MRTFB: variants seen among roughly 807,000 people sequenced by gnomAD.
MRTFB encodes the protein myocardin-related transcription factor B.
A neutral mutation model predicts 104.2 loss-of-function variants in MRTFB; 29 were observed. The ratio of observed to expected loss-of-function variants is 0.28; its 90% confidence interval spans 0.21 to 0.38. MRTFB has a LOEUF of 0.38. Ranked by LOEUF, MRTFB falls within the 10% of genes least tolerant of loss-of-function variation. The pLI, the probability that MRTFB is intolerant of heterozygous loss-of-function variation, is 1.00. For synonymous variants in MRTFB, 535 were observed against 519.5 expected (o/e 1.03, Z -0.41); for missense variants, 1,270 against 1,341.6 (o/e 0.95, Z 0.83).
At chr16:14,047,232 C>A in the MRTFB span, among the ~76,000 whole-genome samples, 4 of 152,170 alleles carry the variant, frequency 2.6e-5, no homozygotes, top group African/African-American at 7.2e-5. Flanking sequence ...TCTTTCTCTC[C>A]GGAGCAGAAA....
intron 3 of MRTFB, among the ~76,000 whole-genome samples, chr16:14,189,724 A>C (rs566823920): frequency 1.3e-5 from 2 of 152,336 alleles, no homozygotes; most frequent in African/African-American, 4.8e-5. Flanking sequence ...AAGGAGGGAT[A>C]AATTTGGGTT....
intron 3 of MRTFB, among the ~76,000 whole-genome samples, chr16:14,175,343 C>T (rs1314416015): frequency 6.6e-6 from 1 of 152,226 alleles, no homozygotes; most frequent in Non-Finnish European, 1.5e-5. Context: ...AGTCTCTAGG[C>T]AACTACTCAT....
At chr16:14,179,427 T>C (rs2039693584) in intron 3 of MRTFB, among the ~76,000 whole-genome samples, 1 of 152,216 alleles carries the variant, frequency 6.6e-6, no homozygotes, top group Admixed American at 6.5e-5. Context: ...TATAAAATAC[T>C]CATCCAGGTG....
rs1378364956 is a variant in MRTFB at position 14,265,425 on chromosome 16, T to C, written c.*3981T>C. On this transcript the variant is annotated 3_prime_UTR_variant, in exon 17 of 17. Transcript: ENST00000571589. ...GGAACATAGCTTACAAATGCATCAG[T>C]GTGTATCTGGAGAGCATCCTAACTG... is the stretch of plus-strand genomic sequence containing the variant. The C allele has an allele frequency of 6.6e-6, 1 of 152,158 alleles. No homozygotes were observed. Among genetic ancestry groups the C allele is most frequent in the East Asian group, 1.9e-4 (1 of 5,194 alleles). The allele number at this position is 152,158 out of a possible 1,614,324, so 9.4% of individuals were successfully genotyped here.
At chr16:14,042,343 T>G in the MRTFB span, among the ~76,000 whole-genome samples, 1,246 of 152,316 alleles carry the variant, frequency 8.2e-3, 16 homozygotes, top group African/African-American at 0.028. Flanking sequence ...CAGACTAGTC[T>G]GAACTCCTGA....
chr16:13,996,635 A>G, the MRTFB span, among the ~76,000 whole-genome samples: 1 of 152,252 alleles, frequency 6.6e-6, no homozygotes, highest in South Asian at 2.1e-4. Flanking sequence ...GAAGATGGAT[A>G]TTAATGAAAT....
At chr16:14,089,064 A>G (rs1173597351) in intron 2 of MRTFB, among the ~76,000 whole-genome samples, 1 of 152,198 alleles carries the variant, frequency 6.6e-6, no homozygotes, top group East Asian at 1.9e-4. Flanking sequence ...ACAACAGGTT[A>G]TCTTGTAGCA....
At chr16:14,235,973 G>T (rs550063783) in intron 9 of MRTFB, among the ~76,000 whole-genome samples, 3 of 152,268 alleles carry the variant, frequency 2.0e-5, no homozygotes, top group Non-Finnish European at 4.4e-5. Flanking sequence ...TTGAGCTCAG[G>T]AGTTTGAGCC....
rs994257247 is a variant in MRTFB at position 14,248,870 on chromosome 16, A to G, written c.2248-56A>G. Reference sequence around the variant, plus strand: ...CCAGTGATTCTACACCTAAGTTCTGATTTCTAACTTTGATTCTGACAATTA... The same window carrying G: ...CCAGTGATTCTACACCTAAGTTCTGGTTTCTAACTTTGATTCTGACAATTA... On this transcript the variant is annotated intron_variant, in intron 12 of 16. Coordinates refer to ENST00000571589, the MANE Select transcript of MRTFB (RefSeq NM_001308142.2). 3.8e-6 allele frequency: 6 copies of G among 1,587,864 alleles called. No individual in the cohort carries two copies. The Admixed American group carries it at 8.6e-5, about 23-fold the overall frequency.
chr16:14,025,365 G>T, the MRTFB span, among the ~76,000 whole-genome samples: 1 of 152,084 alleles, frequency 6.6e-6, no homozygotes, highest in Non-Finnish European at 1.5e-5. Context: ...TTTATTTTTT[G>T]TAGAGCTGGG....
chr16:14,076,521 A>G (rs1270009519), intron 1 of MRTFB, among the ~76,000 whole-genome samples: 2 of 152,224 alleles, frequency 1.3e-5, no homozygotes, highest in Non-Finnish European at 2.9e-5. Flanking sequence ...AAACAACTGT[A>G]AAATATACAT....
chr16:14,078,955 CT>C (rs1281817674), intron 1 of MRTFB, among the ~76,000 whole-genome samples: 1 of 152,122 alleles, frequency 6.6e-6, no homozygotes, highest in African/African-American at 2.4e-5. Context: ...AGAGAAGTTA[CT>C]TACCCCAGAT....
chr16:14,125,111 T>G (rs2037044997), intron 2 of MRTFB, among the ~76,000 whole-genome samples: 1 of 152,228 alleles, frequency 6.6e-6, no homozygotes, highest in South Asian at 2.1e-4. Context: ...GCATATTGTC[T>G]TTCACTAGTG....
the MRTFB span, among the ~76,000 whole-genome samples, chr16:14,052,509 C>A: frequency 1.3e-5 from 2 of 152,032 alleles, no homozygotes; most frequent in African/African-American, 4.8e-5. Flanking sequence ...GAGGCCGAGG[C>A]AAGCGGATCA....
upstream of MRTFB, among the ~76,000 whole-genome samples, chr16:14,067,649 TA>T (rs2033537815): frequency 6.6e-6 from 1 of 152,154 alleles, no homozygotes; most frequent in African/African-American, 2.4e-5. Context: ...GCTTTTCCTA[TA>T]AAAGCAGAGT....
At chr16:14,063,035 T>A in the MRTFB span, among the ~76,000 whole-genome samples, 2 of 152,194 alleles carry the variant, frequency 1.3e-5, no homozygotes, top group African/African-American at 4.8e-5. Flanking sequence ...CATCTTGATA[T>A]CTTCTCCGGG....
At chr16:14,051,980 C>G in the MRTFB span, among the ~76,000 whole-genome samples, 1 of 152,212 alleles carries the variant, frequency 6.6e-6, no homozygotes, top group Non-Finnish European at 1.5e-5. Flanking sequence ...CCCAGACCTT[C>G]CAATCTGGTC....
intron 3 of MRTFB, chr16:14,149,489 A>T (rs2038505733): frequency 6.6e-6 from 1 of 152,242 alleles, no homozygotes. Flanking sequence ...CTGACATAGC[A>T]GTTAAGAAGA....
the MRTFB span, among the ~76,000 whole-genome samples, chr16:14,061,677 AC>A: frequency 6.7e-6 from 1 of 148,562 alleles, no homozygotes. Flanking sequence ...TCTACCACTT[AC>A]CAGATGTGTG....
Sources: gnomAD v4.1 joint callset for allele counts (sites outside exome capture counted in the v4.1 genomes callset) on GRCh38, gnomAD v4.1.1 for gene constraint, MANE v1.5 for transcripts, NCBI Gene and HGNC (gene_info 2026-07-23, HGNC 2026-07-21) for gene names.